The following CHERP variants were observed in gnomAD, a reference collection of about 807,000 sequenced individuals.
CHERP encodes the protein ERPROT 213-21.
Under a neutral mutation model 113.8 loss-of-function variants are expected in CHERP, and 8 were observed. That is an observed-to-expected ratio of 0.07 (90% CI 0.04 to 0.13). CHERP has a LOEUF of 0.13. Among genes scored for constraint, CHERP ranks in the 10% least tolerant of loss-of-function variants. The pLI, the probability that CHERP is intolerant of heterozygous loss-of-function variation, is 1.00. For missense variants in CHERP, 884 were observed against 1,298.2 expected (o/e 0.68, Z 4.90); for synonymous variants, 559 against 524.5 (o/e 1.07, Z -0.90).
At chr19:16,521,049 G>A in intron 12 of CHERP, 137 bp from the exon 13 acceptor site, 1 of 737,244 alleles carries the variant, frequency 1.4e-6, no homozygotes. Context: ...CATGGGCGCA[G>A]TAGAGCTTGG....
At position 16,527,108 on chromosome 19, in the gene CHERP, T is replaced by C. The variant is rs141624246; in HGVS notation, c.1305+972A>G. Among the ~76,000 whole-genome samples the C allele has an allele frequency of 1.1e-4, 17 of 152,322 alleles. No homozygotes were observed. The East Asian group carries it at 3.3e-3, about 29-fold the overall frequency. ...TGGACTGCAGGATGCACTGCTGGCC[T>C]AGCGGGCACCCTCAGTGAGGGGCGT... On this transcript the variant is annotated intron_variant, in intron 9 of 16. Transcript: ENST00000546361.
At position 16,539,515 on chromosome 19, in the gene CHERP, C is replaced by G. The variant is rs376438099; in HGVS notation, c.199+2355G>C. On this transcript the variant is annotated intron_variant, in intron 2 of 16. Coordinates refer to ENST00000546361, the MANE Select transcript of CHERP (RefSeq NM_006387.6). Reference sequence around the variant, plus strand: ...CGCTCTAGAAACACATAAGCACATACAATATTTTGCTTACGATTTCAGGCA... The same window carrying G: ...CGCTCTAGAAACACATAAGCACATAGAATATTTTGCTTACGATTTCAGGCA... Among the ~76,000 whole-genome samples the G allele has an allele frequency of 1.2e-4, 18 of 152,202 alleles. 1 individual carries two copies. The East Asian group carries it at 2.1e-3, about 18-fold the overall frequency.
At chr19:16,522,015 C>T (rs1356066857) in intron 11 of CHERP, among the ~76,000 whole-genome samples, 7 of 152,364 alleles carry the variant, frequency 4.6e-5, no homozygotes, top group African/African-American at 1.4e-4. Flanking sequence ...CCTGGGCCCC[C>T]GCTCAGAACA....
rs190169135 is a variant in CHERP, at chr19:16,538,107, C to T, written c.200-2471G>A. 4.6e-5 allele frequency among the ~76,000 whole-genome samples: 7 copies of T among 152,190 alleles called. No individual in the cohort carries two copies. The South Asian group carries it at 1.0e-3, about 23-fold the overall frequency. The stretch of plus-strand genomic sequence containing the variant: ...AGACCTAAACCTTCCACGAGTCTCT[C>T]CCACGCTTCCAGGATACACTCCTCA... On this transcript the variant is annotated intron_variant, in intron 2 of 16. Transcript: ENST00000546361.
chr19:16,541,685 A>C (rs1232950515), intron 2 of CHERP, 185 bp downstream of exon 2: 1 of 598,354 alleles, frequency 1.7e-6, no homozygotes, highest in African/African-American at 1.9e-5. Context: ...GTTCTCCATT[A>C]CAGTGGCACC....
In CHERP at chr19:16,519,838, C is replaced by T; in HGVS notation, c.2463-123G>A. On this transcript the variant is annotated intron_variant, in intron 15 of 16. Coordinates refer to ENST00000546361, the MANE Select transcript of CHERP (RefSeq NM_006387.6). This position sits in a 1 kb window ranked among gnomAD's most constrained non-coding sequence, Gnocchi z 6.0. Reference sequence around the variant, plus strand: ...CACTGTCACCAGGTGACACCGTATGCAGATTTTGCGTCTCTACCCGTTTAT... The same window carrying T: ...CACTGTCACCAGGTGACACCGTATGTAGATTTTGCGTCTCTACCCGTTTAT... The T allele has an allele frequency of 1.1e-6, 1 of 891,798 alleles. No homozygotes were observed. The highest frequency in any genetic ancestry group is 1.9e-6 in the Non-Finnish European group (1 of 538,658). 55.2% of individuals were successfully genotyped at this position (891,798 alleles called of 1,614,324 possible). A position where few individuals can be genotyped will look rare whatever the true frequency, so the allele number is the denominator to read the frequency against.
Position 16,535,638 on chromosome 19 carries a change from TGGAG to T in CHERP, c.200-6_200-3del, listed in dbSNP as rs1387255468. 4.0e-6 allele frequency: 6 copies of T among 1,508,048 alleles called. No individual in the cohort carries two copies. In the African/African-American group the frequency reaches 6.9e-5, roughly 17 times the overall value. The allele number at this position is 1,508,048 out of a possible 1,614,324, so 93.4% of individuals were successfully genotyped here. Reference sequence around the variant, plus strand: ...CCGGGGTCTGCTGCTTGCAGATGACTGGAGGGAGAGGAGGAGGGGTGCCCCATGA... The same window carrying T: ...CCGGGGTCTGCTGCTTGCAGATGACTGGAGAGGAGGAGGGGTGCCCCATGA... On this transcript the variant is annotated splice_region_variant and splice_polypyrimidine_tract_variant and intron_variant, in intron 2 of 16. Transcript: ENST00000546361. The surrounding 1 kb of genome is among the most constrained non-coding windows in gnomAD (Gnocchi z 4.3).
rs1568503198 is a variant in CHERP, at chr19:16,519,656, T to C, written c.2522A>G (p.Glu841Gly). The C allele has an allele frequency of 6.2e-7, 1 of 1,614,024 alleles. No individual in the cohort carries two copies. Among genetic ancestry groups the C allele is most frequent in the Non-Finnish European group, 8.5e-7 (1 of 1,179,988 alleles). The change falls in exon 16 of 17, where the codon GAA (glutamate) becomes GGA (glycine). Residue 841 changes from glutamate (E) to glycine (G), a missense_variant. Around this residue, in one of 8 missense-constraint regions of CHERP, gnomAD observed 159 missense variants for 185.8 expected, o/e 0.86. Coordinates refer to ENST00000546361, the MANE Select transcript of CHERP (RefSeq NM_006387.6). This position sits in a 1 kb window ranked among gnomAD's most constrained non-coding sequence, Gnocchi z 6.0. ...APPIPDSRLG[E>G]ENKGHQMLVK... is the part of the protein sequence containing the mutation. ...CAGCATCTGATGGCCTTTGTTCTCT[T>C]CTCCGAGCCTTGAGTCAGGGATGGG...
At position 16,525,201 on chromosome 19, in the gene CHERP, G is replaced by T; in HGVS notation, c.1741+41C>A. 3 of 1,390,634 alleles carry T rather than the reference G, an allele frequency of 2.2e-6. No homozygotes were observed. The highest frequency in any genetic ancestry group is 2.8e-6 in the Non-Finnish European group (3 of 1,070,366). The allele number at this position is 1,390,634 out of a possible 1,614,324, so 86.1% of individuals were successfully genotyped here. On this transcript the variant is annotated intron_variant, in intron 10 of 16. Coordinates refer to ENST00000546361, the MANE Select transcript of CHERP (RefSeq NM_006387.6). The surrounding 1 kb of genome is among the most constrained non-coding windows in gnomAD (Gnocchi z 6.5). ...CAGCCTGCTCGGCAGGCGAGCCGTG[G>T]ATGCCTCCGCCAGGCCCTACCCAGG...
chr19:16,536,212 G>C (rs1474527088), intron 2 of CHERP, among the ~76,000 whole-genome samples: 2 of 152,204 alleles, frequency 1.3e-5, no homozygotes, highest in Non-Finnish European at 2.9e-5. Flanking sequence ...CTTGGGGACA[G>C]AGACCCCTCT....
Position 16,528,086 on chromosome 19 carries a change from C to G in CHERP, c.1299G>C (p.Gln433His). The G allele has an allele frequency of 6.2e-7, 1 of 1,613,074 alleles. No individual in the cohort carries two copies. Among genetic ancestry groups the G allele is most frequent in the Non-Finnish European group, 8.5e-7 (1 of 1,179,902 alleles). ...DQPHPVAPWGQQQPPEQPPYP... is the reference protein window; with the variant it reads ...DQPHPVAPWGHQQPPEQPPYP... ...CCCAGGTTCCAATCAATACCTGCTG[C>G]TGGCCCCAAGGAGCCACGGGGTGAG... is the stretch of plus-strand genomic sequence containing the variant. Residue 433 changes from glutamine to histidine, a missense_variant, in exon 9 of 17, where the codon CAG (glutamine) becomes CAC (histidine). Transcript: ENST00000546361.
At chr19:16,524,059 C>T (rs920865498) in intron 10 of CHERP, among the ~76,000 whole-genome samples, 1 of 152,078 alleles carries the variant, frequency 6.6e-6, no homozygotes, top group African/African-American at 2.4e-5. Context: ...TGAGACCAGC[C>T]TGGCCAACAT....
At chr19:16,521,046 G>A (rs531505482) in intron 12 of CHERP, 134 bp from the exon 13 acceptor site, 32 of 754,004 alleles carry the variant, frequency 4.2e-5, no homozygotes, top group Middle Eastern at 2.3e-4. Flanking sequence ...GAGCATGGGC[G>A]CAGTAGAGCT....
Position 16,535,407 on chromosome 19 carries a change from CA to C in CHERP, c.384+44del. ...ATGAGCAGACGCAAAAACAGAGGCA[CA>C]GGGGAGCTGCTGGTGTCTGGCCGAG... On this transcript the variant is annotated intron_variant, in intron 3 of 16. Coordinates refer to ENST00000546361, the MANE Select transcript of CHERP (RefSeq NM_006387.6). The surrounding 1 kb of genome is among the most constrained non-coding windows in gnomAD (Gnocchi z 4.3). 3.2e-6 allele frequency: 5 copies of C among 1,581,832 alleles called. 1 individual carries two copies. The South Asian group carries it at 3.4e-5, about 11-fold the overall frequency.
intron 12 of CHERP, 133 bp from the exon 13 acceptor site, chr19:16,521,045 C>T (rs949538799): frequency 4.1e-5 from 31 of 754,658 alleles, no homozygotes; most frequent in Non-Finnish European, 6.6e-5. Context: ...CGAGCATGGG[C>T]GCAGTAGAGC....
chr19:16,520,654 A>C lies in CHERP; in HGVS notation c.2202-147T>G. 8.5e-7 allele frequency: 1 copy of C among 1,172,654 alleles called. No homozygotes were observed. Among genetic ancestry groups the C allele is most frequent in the South Asian group, 1.4e-5 (1 of 72,928 alleles). 72.6% of individuals were successfully genotyped at this position (1,172,654 alleles called of 1,614,324 possible). A position where few individuals can be genotyped will look rare whatever the true frequency, so the allele number is the denominator to read the frequency against. On this transcript the variant is annotated intron_variant, in intron 13 of 16. Transcript: ENST00000546361. The surrounding 1 kb of genome is among the most constrained non-coding windows in gnomAD (Gnocchi z 4.0). ...GCCACAGCAACGGTACCAAGTTCCT[A>C]AATAGTGTGGCCGAGCCTGCTGCTG...
In CHERP at chr19:16,529,733, C is replaced by T. The variant is rs58473148; in HGVS notation, c.1044G>A (p.Glu348=). 47,500 of 1,609,416 alleles carry T rather than the reference C, an allele frequency of 0.03. 900 individuals carry two copies. Among genetic ancestry groups the T allele is most frequent in the African/African-American group, 0.084 (6,294 of 74,984 alleles). ...QQQQLQMPQM[E]AEVKATPPPP... ...GTGGAGGCGTGGCCTTGACTTCAGCCTCCATCTGCGGCATCTGGAGCTGCT... is the reference window on the plus strand; with the variant it reads ...GTGGAGGCGTGGCCTTGACTTCAGCTTCCATCTGCGGCATCTGGAGCTGCT... Residue 348 remains glutamate (E), a synonymous_variant, in exon 8 of 17, where the codon GAG becomes GAA. Transcript: ENST00000546361.
chr19:16,521,348 T>G lies in CHERP; in HGVS notation c.2114+173A>C, dbSNP rs573869804. On this transcript the variant is annotated intron_variant, in intron 12 of 16. Transcript: ENST00000546361. ...GTGTCTCCATTAAAACGCCCTTCAT[T>G]GAGGGCCACGTGTGTGCTGTGCCTG... 67 of 606,748 alleles carry G rather than the reference T, an allele frequency of 1.1e-4. 1 individual carries two copies. In the South Asian group the frequency reaches 1.5e-3, roughly 13 times the overall value. The allele number at this position is 606,748 out of a possible 1,614,324, so 37.6% of individuals were successfully genotyped here. A position where few individuals can be genotyped will look rare whatever the true frequency, so the allele number is the denominator to read the frequency against.
chr19:16,522,943 G>T, intron 11 of CHERP, 109 bp downstream of exon 11: 1 of 1,311,224 alleles, frequency 7.6e-7, no homozygotes, highest in Non-Finnish European at 1.0e-6. Flanking sequence ...AGTGGGAGAT[G>T]AAGGGGAGCC....
Sources: gnomAD v4.1 joint callset for allele counts (sites outside exome capture counted in the v4.1 genomes callset) on GRCh38, gnomAD v4.1.1 for gene constraint, gnomAD v4.1.1 regional missense constraint, Gnocchi (gnomAD v3.1) non-coding constraint, MANE v1.5 for transcripts, NCBI Gene and HGNC (gene_info 2026-07-23, HGNC 2026-07-21) for gene names.